Variants in ADGRB3 observed in about 807,000 individuals in gnomAD.
ADGRB3 encodes the protein brain-specific angiogenesis inhibitor 3.
In ADGRB3, 37 loss-of-function variants were observed where a neutral mutation model predicts 193.4. That is an observed-to-expected ratio of 0.19 (90% CI 0.15 to 0.25). ADGRB3 has a LOEUF of 0.25. Among genes scored for constraint, ADGRB3 ranks in the 10% least tolerant of loss-of-function variants. The pLI is 1.00. For synonymous variants in ADGRB3, 690 were observed against 644.2 expected, an observed-to-expected ratio of 1.07 and a Z score of -1.08; for missense variants, 1,637 against 1,852.9, an observed-to-expected ratio of 0.88 and a Z score of 2.14.
At chr6:69,192,685 TGTATA>T (rs1472658080) in intron 17 of ADGRB3, among the ~76,000 whole-genome samples, 11 of 152,174 alleles carry the variant, frequency 7.2e-5, no homozygotes, top group Non-Finnish European at 1.6e-4. Context: ...AGTTTTTGTG[TGTATA>T]GTAGTGATTT....
At chr6:68,661,533 G>GTATATATATATATA (rs1561986486) in intron 3 of ADGRB3, among the ~76,000 whole-genome samples, 2 of 50,054 alleles carry the variant, frequency 4.0e-5, no homozygotes, top group African/African-American at 7.4e-5. Flanking sequence ...ATATATATGT[G>GTATATATATATATA]TATACATATA....
At position 68,975,324 on chromosome 6, in the gene ADGRB3, G is replaced by T. The variant is rs765271056; in HGVS notation, c.1718G>T (p.Arg573Ile). 2 of 1,613,566 alleles carry T rather than the reference G, an allele frequency of 1.2e-6. No individual in the cohort carries two copies. The highest frequency in any genetic ancestry group is 2.2e-5 in the South Asian group (2 of 91,062). ...GCAAGATGCATATCAAATGAGTACA[G>T]ACACTTGCAGCATTCAGTAGGTGCA... ...SFARCISNEY[R>I]HLQHSIKEHL... The change falls in exon 10 of 32, where the codon AGA (arginine) becomes ATA (isoleucine). Residue 573 changes from arginine (R) to isoleucine (I), a missense_variant. By Grantham distance (97) the Arg-to-Ile change is moderately conservative. Around this residue, in one of 7 missense-constraint regions of ADGRB3, gnomAD observed 641 missense variants for 673.9 expected, o/e 0.95. Coordinates refer to ENST00000370598, the MANE Select transcript of ADGRB3 (RefSeq NM_001704.3).
At chr6:68,759,802 T>C (rs564400295) in intron 3 of ADGRB3, among the ~76,000 whole-genome samples, 71 of 151,946 alleles carry the variant, frequency 4.7e-4, no homozygotes, top group Non-Finnish European at 5.2e-4. Flanking sequence ...ACTAAGCCAA[T>C]TGAGAGGTAA....
At chr6:68,893,539 T>C (rs547655863) in intron 3 of ADGRB3, among the ~76,000 whole-genome samples, 6 of 151,704 alleles carry the variant, frequency 4.0e-5, no homozygotes, top group African/African-American at 1.4e-4. Context: ...CTTTTTTTTT[T>C]TTTCCTTCAG....
At chr6:69,005,178 A>G (rs535824777) in intron 11 of ADGRB3, among the ~76,000 whole-genome samples, 7 of 152,070 alleles carry the variant, frequency 4.6e-5, no homozygotes, top group African/African-American at 1.7e-4. Flanking sequence ...AGTATCATTA[A>G]CTATTTTTAC....
Position 68,823,761 on chromosome 6 carries a change from A to C in ADGRB3, c.758-106798A>C, listed in dbSNP as rs537196540. ...GTTATAAAATAATAAATGAAGTTCA[A>C]TAGCTTTATTAAGCTAAATAATCAT... On this transcript the variant is annotated intron_variant, in intron 3 of 31. Transcript: ENST00000370598. 2.2e-3 allele frequency among the ~76,000 whole-genome samples: 342 copies of C among 152,268 alleles called. 3 individuals are homozygous for C. The highest frequency in any genetic ancestry group is 7.7e-3 in the African/African-American group (320 of 41,588).
At chr6:69,232,693 C>A in intron 17 of ADGRB3, 3 of 1,369,636 alleles carry the variant, frequency 2.2e-6, no homozygotes, top group Non-Finnish European at 3.0e-6. Flanking sequence ...CCAGCTGATG[C>A]CGCTGCTGCT....
At chr6:69,220,822 A>G (rs1425925502) in intron 17 of ADGRB3, among the ~76,000 whole-genome samples, 2 of 152,124 alleles carry the variant, frequency 1.3e-5, no homozygotes, top group Non-Finnish European at 2.9e-5. Context: ...TATTTATTTA[A>G]ATACATGGCA....
At chr6:68,639,911 G>T (rs1469508798) in intron 3 of ADGRB3, among the ~76,000 whole-genome samples, 1 of 152,068 alleles carries the variant, frequency 6.6e-6, no homozygotes, top group Non-Finnish European at 1.5e-5. Flanking sequence ...TCTGATCTTG[G>T]GGCATCTTGA....
intron 22 of ADGRB3, among the ~76,000 whole-genome samples, chr6:69,329,816 C>A (rs1235443069): frequency 6.6e-6 from 1 of 152,156 alleles, no homozygotes; most frequent in Non-Finnish European, 1.5e-5. Context: ...TCTGCATTTC[C>A]CTCTGCTGTG....
At chr6:68,993,337 G>A (rs1469763270) in intron 10 of ADGRB3, among the ~76,000 whole-genome samples, 2 of 152,026 alleles carry the variant, frequency 1.3e-5, no homozygotes, top group African/African-American at 4.8e-5. Context: ...TAAGAGGTAA[G>A]GCAAAAGTTA....
chr6:68,862,409 T>C (rs1260998920), intron 3 of ADGRB3, among the ~76,000 whole-genome samples: 2 of 152,240 alleles, frequency 1.3e-5, no homozygotes, highest in East Asian at 3.8e-4. Flanking sequence ...CCTTAATGTT[T>C]CATTACACAA....
chr6:68,681,777 A>G (rs1366833193), intron 3 of ADGRB3, among the ~76,000 whole-genome samples: 2 of 152,192 alleles, frequency 1.3e-5, no homozygotes, highest in Non-Finnish European at 2.9e-5. Context: ...TTTAGAATTT[A>G]TTTTCATTTA....
intron 3 of ADGRB3, among the ~76,000 whole-genome samples, chr6:68,928,787 C>G (rs947804769): frequency 2.0e-5 from 3 of 152,106 alleles, no homozygotes; most frequent in African/African-American, 4.8e-5. Flanking sequence ...TTATGTAAAC[C>G]TGTACTCTGA....
intron 5 of ADGRB3, among the ~76,000 whole-genome samples, chr6:68,938,440 GTATATATATATA>G (rs59120080): frequency 0.1 from 14,777 of 144,432 alleles, 925 homozygotes; most frequent in Non-Finnish European, 0.14. Context: ...ATATTTTGAG[GTATATATATATA>G]TATATATATA....
At chr6:69,274,369 A>G (rs987144555) in intron 20 of ADGRB3, among the ~76,000 whole-genome samples, 7 of 152,196 alleles carry the variant, frequency 4.6e-5, no homozygotes, top group African/African-American at 1.4e-4. Flanking sequence ...GTTAGAGTTC[A>G]TTACCGAAGC....
intron 17 of ADGRB3, among the ~76,000 whole-genome samples, chr6:69,193,725 T>A (rs183957182): frequency 2.2e-4 from 33 of 152,064 alleles, no homozygotes; most frequent in Non-Finnish European, 4.3e-4. Flanking sequence ...TTTTTTTTTT[T>A]ACCTAGAATG....
At chr6:68,712,167 G>A (rs1159230217) in intron 3 of ADGRB3, among the ~76,000 whole-genome samples, 1 of 151,848 alleles carries the variant, frequency 6.6e-6, no homozygotes, top group African/African-American at 2.4e-5. Flanking sequence ...TGAAACAGGA[G>A]TTGGACAGAG....
chr6:68,760,775 A>C (rs1387804249), intron 3 of ADGRB3, among the ~76,000 whole-genome samples: 1 of 152,138 alleles, frequency 6.6e-6, no homozygotes, highest in East Asian at 1.9e-4. Flanking sequence ...ACTGGGTATG[A>C]ATTCTAGCTA....
Sources: allele counts gnomAD v4.1 joint callset (sites outside exome capture counted in the v4.1 genomes callset), GRCh38; gene constraint gnomAD v4.1.1; regional missense constraint gnomAD v4.1.1; transcripts MANE v1.5; gene names NCBI Gene and HGNC (gene_info 2026-07-23, HGNC 2026-07-21).